SYNJ2: variants seen among roughly 807,000 people sequenced by gnomAD.
The protein encoded by SYNJ2 is synaptojanin 2, also known as polyphosphatidylinositol phosphatase SYNJ2.
In SYNJ2, 116 loss-of-function variants were observed where a neutral mutation model predicts 141.3. That is an observed-to-expected ratio of 0.82 (90% CI 0.71 to 0.96). SYNJ2 has a LOEUF of 0.96. Ranked by LOEUF, SYNJ2 falls within the 40% of genes least tolerant of loss-of-function variation. SYNJ2 has a pLI of 0.00. For missense variants in SYNJ2, 1,873 were observed against 1,934.8 expected, an observed-to-expected ratio of 0.97 and a Z score of 0.60; for synonymous variants, 745 against 777.7, an observed-to-expected ratio of 0.96 and a Z score of 0.70.
At chr6:158,088,112 G>A (rs532249053) in intron 23 of SYNJ2, among the ~76,000 whole-genome samples, 71 of 120,772 alleles carry the variant, frequency 5.9e-4, no homozygotes, top group African/African-American at 2.1e-3. Flanking sequence ...GGGCTGGAGT[G>A]CAGTGGTGCG....
At chr6:158,061,258 G>T (rs1022569120) in intron 7 of SYNJ2, among the ~76,000 whole-genome samples, 1 of 152,256 alleles carries the variant, frequency 6.6e-6, no homozygotes, top group Non-Finnish European at 1.5e-5. Flanking sequence ...AGTGCAGGGT[G>T]AGAGGCCTGG....
intron 2 of SYNJ2, among the ~76,000 whole-genome samples, chr6:158,021,020 G>A (rs1431665430): frequency 6.6e-6 from 1 of 152,196 alleles, no homozygotes; most frequent in Non-Finnish European, 1.5e-5. Context: ...CCCGTGATTA[G>A]CCAGGGAGTC....
Position 158,074,651 on chromosome 6 carries a change from T to G in SYNJ2, c.2205T>G (p.Tyr735Ter). The change falls in exon 16 of 27, where the codon TAT (tyrosine) becomes TAG (stop). Residue 735 changes from tyrosine to a stop codon, truncating the protein, a stop_gained. Coordinates refer to ENST00000355585, the MANE Select transcript of SYNJ2 (RefSeq NM_003898.4). LOFTEE classifies it high-confidence loss of function. Reference protein sequence around the residue: ...GDFNYRIDLTYEEVFYFVKRQ... With the variant: ...GDFNYRIDLT The stretch of plus-strand genomic sequence containing the variant: ...TCAACTACCGCATTGATCTTACTTA[T>G]GAAGAAGTCTTCTATTTTGTTAAAC... The G allele has an allele frequency of 6.2e-7, 1 of 1,614,162 alleles. No homozygotes were observed. The highest frequency in any genetic ancestry group is 8.5e-7 in the Non-Finnish European group (1 of 1,180,022).
At chr6:158,011,609 C>T (rs1210714258) in intron 1 of SYNJ2, among the ~76,000 whole-genome samples, 1 of 152,112 alleles carries the variant, frequency 6.6e-6, no homozygotes, top group Non-Finnish European at 1.5e-5. Context: ...GCTTAATTTT[C>T]CCAGTGGCCG....
rs980104661 is a variant in SYNJ2, at chr6:158,071,207, T to C, written c.1941-395T>C. ...CAAAATAACAATAATAATTTAAAAA[T>C]GTGTTGATTGCCCAGATGACACCTC... On this transcript the variant is annotated intron_variant, in intron 14 of 26. Coordinates refer to ENST00000355585, the MANE Select transcript of SYNJ2 (RefSeq NM_003898.4). This position sits in a 1 kb window ranked among gnomAD's most constrained non-coding sequence, Gnocchi z 4.3. Among the ~76,000 whole-genome samples, 8 of 151,954 alleles carry C rather than the reference T, an allele frequency of 5.3e-5. No individual in the cohort carries two copies. Among genetic ancestry groups the C allele is most frequent in the Non-Finnish European group, 1.0e-4 (7 of 67,972 alleles).
rs139286236 is a variant in SYNJ2, at chr6:158,033,626, C to T, written c.657C>T (p.His219=). 2.3e-4 allele frequency: 368 copies of T among 1,613,448 alleles called. No individual in the cohort carries two copies. The highest frequency in any genetic ancestry group is 2.9e-4 in the Non-Finnish European group (341 of 1,180,016). ...VSCERTGTRF[H]TRGVNDDGHV... Reference sequence around the variant, plus strand: ...GTGAGCGCACAGGCACTCGCTTCCACACCCGTGGCGTGAACGACGACGGCC... The same window carrying T: ...GTGAGCGCACAGGCACTCGCTTCCATACCCGTGGCGTGAACGACGACGGCC... The change falls in exon 4 of 27, where the codon CAC becomes CAT. Residue 219 remains histidine, a synonymous_variant. Transcript: ENST00000355585.
intron 20 of SYNJ2, among the ~76,000 whole-genome samples, chr6:158,082,281 T>G (rs2363795): frequency 0.85 from 128,206 of 150,766 alleles, 55,382 homozygotes; most frequent in African/African-American, 0.96. Flanking sequence ...GAGGTCAGGA[T>G]TTCGAGACCA....
chr6:158,024,377 G>A (rs1207236141), intron 2 of SYNJ2, among the ~76,000 whole-genome samples: 1 of 152,224 alleles, frequency 6.6e-6, no homozygotes, highest in Non-Finnish European at 1.5e-5. Flanking sequence ...AGAGGTTGCA[G>A]TGAGCCCAGA....
intron 5 of SYNJ2, among the ~76,000 whole-genome samples, chr6:158,047,582 GC>G (rs1780308025): frequency 6.6e-6 from 1 of 151,794 alleles, no homozygotes; most frequent in Non-Finnish European, 1.5e-5. Flanking sequence ...TTTAAGACAA[GC>G]CTGGCCAACA....
intron 4 of SYNJ2, among the ~76,000 whole-genome samples, chr6:158,042,207 C>T (rs544081262): frequency 6.6e-6 from 1 of 152,364 alleles, no homozygotes; most frequent in East Asian, 1.9e-4. Flanking sequence ...AACAGCTTTG[C>T]TGGTACTCAA....
At chr6:158,025,829 G>A (rs1466425176) in intron 2 of SYNJ2, among the ~76,000 whole-genome samples, 2 of 152,086 alleles carry the variant, frequency 1.3e-5, no homozygotes, top group African/African-American at 4.8e-5. Context: ...ACGCATGCTT[G>A]TAATCTCAGT....
At chr6:157,995,104 A>C (rs1777590930) in intron 1 of SYNJ2, among the ~76,000 whole-genome samples, 1 of 152,184 alleles carries the variant, frequency 6.6e-6, no homozygotes, top group African/African-American at 2.4e-5. Context: ...TGGTATTTGG[A>C]GCTCACCCTT....
At chr6:158,049,934 A>G (rs1304957304) in intron 5 of SYNJ2, among the ~76,000 whole-genome samples, 5 of 147,560 alleles carry the variant, frequency 3.4e-5, no homozygotes, top group African/African-American at 7.6e-5. Flanking sequence ...GTATGCATGC[A>G]GCTCTGCAGG....
chr6:157,983,931 G>A (rs1055668523), intron 1 of SYNJ2, among the ~76,000 whole-genome samples: 11 of 152,110 alleles, frequency 7.2e-5, no homozygotes, highest in South Asian at 2.1e-4. Flanking sequence ...AGGCTCAAGC[G>A]ATCCTCCTGC....
intron 5 of SYNJ2, among the ~76,000 whole-genome samples, chr6:158,054,291 ATCCAT>A (rs1780747369): frequency 3.3e-5 from 5 of 152,142 alleles, no homozygotes; most frequent in Admixed American, 2.6e-4. Context: ...CTATTCATCC[ATCCAT>A]CCATCCATCC....
In SYNJ2 at chr6:158,028,947, G is replaced by A. The variant is rs147584404; in HGVS notation, c.406G>A (p.Asp136Asn). 319 of 1,613,936 alleles carry A rather than the reference G, an allele frequency of 2.0e-4. No homozygotes were observed. Among genetic ancestry groups the A allele is most frequent in the Non-Finnish European group, 2.5e-4 (290 of 1,180,010 alleles). The change falls in exon 3 of 27, where the codon GAT becomes AAT. Residue 136 changes from aspartate to asparagine, a missense_variant. Coordinates refer to ENST00000355585, the MANE Select transcript of SYNJ2 (RefSeq NM_003898.4). ...SGVFYFSWPN[D>N]GSRFDLTVRT... The stretch of plus-strand genomic sequence containing the variant: ...GGTGTTCTATTTCTCATGGCCAAAC[G>A]ATGGGTCTCGCTTTGACCTGACTGT...
chr6:157,985,171 T>C (rs1279595494), intron 1 of SYNJ2, among the ~76,000 whole-genome samples: 2 of 152,242 alleles, frequency 1.3e-5, no homozygotes, highest in African/African-American at 4.8e-5. Context: ...GGGCTTGAAC[T>C]GGGCTGTGAT....
Position 158,096,387 on chromosome 6 carries a change from G to T in SYNJ2, c.*23G>T. 1 of 1,565,088 alleles carries T rather than the reference G, an allele frequency of 6.4e-7. No individual in the cohort carries two copies. Among genetic ancestry groups the T allele is most frequent in the Non-Finnish European group, 8.6e-7 (1 of 1,160,388 alleles). ...TGACTGAGCAGCTTTGAAGGCTGCA[G>T]TCCTATAGAATGCATACCTTCCTCC... On this transcript the variant is annotated 3_prime_UTR_variant, in exon 27 of 27. Coordinates refer to ENST00000355585, the MANE Select transcript of SYNJ2 (RefSeq NM_003898.4).
intron 1 of SYNJ2, among the ~76,000 whole-genome samples, chr6:158,003,136 G>C (rs1354583910): frequency 3.3e-5 from 5 of 152,198 alleles, no homozygotes; most frequent in African/African-American, 1.2e-4. Flanking sequence ...TGTGATGTGG[G>C]CATGGCGTTG....
Sources: allele counts gnomAD v4.1 joint callset (sites outside exome capture counted in the v4.1 genomes callset), GRCh38; gene constraint gnomAD v4.1.1; non-coding constraint Gnocchi (gnomAD v3.1); transcripts MANE v1.5; gene names NCBI Gene and HGNC (gene_info 2026-07-23, HGNC 2026-07-21).